Variants in TOR4A observed in about 807,000 individuals in gnomAD.
TOR4A encodes the protein torsin-4A.
Under a neutral mutation model 11.5 loss-of-function variants are expected in TOR4A, and 12 were observed. The ratio of observed to expected loss-of-function variants is 1.04; its 90% CI spans 0.67 to 1.69. The LOEUF is 1.69. TOR4A is among the 40% of genes most tolerant of loss of function. The pLI, the probability that TOR4A is intolerant of heterozygous loss-of-function variation, is 0.00. For synonymous variants in TOR4A, 362 were observed against 307.4 expected, an observed-to-expected ratio of 1.18 and a Z score of -1.86; for missense variants, 640 against 643.2, an observed-to-expected ratio of 0.99 and a Z score of 0.05.
Position 137,278,646 on chromosome 9 carries a change from G to T in TOR4A, c.-37-7G>T. The T allele has an allele frequency of 7.8e-7, 1 of 1,283,166 alleles. No individual in the cohort carries two copies. The highest frequency in any genetic ancestry group is 9.9e-7 in the Non-Finnish European group (1 of 1,014,486). 79.5% of individuals were successfully genotyped at this position (1,283,166 alleles called of 1,614,324 possible). A position where few individuals can be genotyped will look rare whatever the true frequency, so the allele number is the denominator to read the frequency against. ...GTCCAGAGACCCTCCCCGTCTTCCC[G>T]TTGCAGGGAGGGCGACCTGTATGCG... On this transcript the variant is annotated splice_region_variant and splice_polypyrimidine_tract_variant and intron_variant, in intron 1 of 1. Transcript: ENST00000357503.
chr9:137,279,151 G>A lies in TOR4A; in HGVS notation c.462G>A (p.Glu154=). Residue 154 remains glutamate (E), a synonymous_variant, in exon 2 of 2, where the codon GAG becomes GAA. Transcript: ENST00000357503. The part of the protein sequence containing the change: ...NAQRYDLDGL[E]KALQRAVFGQ... ...AGCGCTATGACCTCGACGGGCTGGA[G>A]AAAGCGCTGCAGCGCGCGGTGTTCG... 1 of 1,574,772 alleles carries A rather than the reference G, an allele frequency of 6.4e-7. No individual in the cohort carries two copies. The highest frequency in any genetic ancestry group is 8.6e-7 in the Non-Finnish European group (1 of 1,160,656).
Position 137,279,216 on chromosome 9 carries a change from G to C in TOR4A, c.527G>C (p.Arg176Pro). 1 of 1,544,608 alleles carries C rather than the reference G, an allele frequency of 6.5e-7. No homozygotes were observed. The highest frequency in any genetic ancestry group is 1.2e-5 in the South Asian group (1 of 84,274). Reference protein sequence around the residue: ...AAVSRIVALMRDYLATHVHSR... With the variant: ...AAVSRIVALMPDYLATHVHSR... Reference sequence around the variant, plus strand: ...GTATCGCGCATCGTGGCGCTGATGCGGGACTACCTGGCCACGCATGTGCAC... The same window carrying C: ...GTATCGCGCATCGTGGCGCTGATGCCGGACTACCTGGCCACGCATGTGCAC... The change falls in exon 2 of 2, where the codon CGG becomes CCG. Residue 176 changes from arginine to proline, a missense_variant. By Grantham distance (103) the Arg-to-Pro change is moderately radical. Coordinates refer to ENST00000357503, the MANE Select transcript of TOR4A (RefSeq NM_017723.3).
In TOR4A at chr9:137,279,710, C is replaced by A. The variant is rs764519206; in HGVS notation, c.1021C>A (p.Arg341Ser). The change falls in exon 2 of 2, where the codon CGC becomes AGC. Residue 341 changes from arginine (R) to serine (S), a missense_variant. Arg to Ser is a moderately radical substitution (Grantham distance 110, BLOSUM62 -1). Transcript: ENST00000357503. ...AAAAQAEEDL[R>S]ASLLAVLSRE... ...AGCGGCGCAGGCGGAAGAAGACCTGCGCGCCAGCCTGCTGGCTGTGCTGTC... is the reference window on the plus strand; with the variant it reads ...AGCGGCGCAGGCGGAAGAAGACCTGAGCGCCAGCCTGCTGGCTGTGCTGTC... 10 of 1,573,378 alleles carry A rather than the reference C, an allele frequency of 6.4e-6. No individual in the cohort carries two copies. Among genetic ancestry groups the A allele is most frequent in the Non-Finnish European group, 7.7e-6 (9 of 1,166,244 alleles).
Position 137,280,007 on chromosome 9 carries a change from G to A in TOR4A, c.*46G>A. On this transcript the variant is annotated 3_prime_UTR_variant, in exon 2 of 2. Transcript: ENST00000357503. Reference sequence around the variant, plus strand: ...TTTGGGTTGATGGCGGCAGTAGGAGGGCGACCAGGGACCTTGTGGGCTGGT... The same window carrying A: ...TTTGGGTTGATGGCGGCAGTAGGAGAGCGACCAGGGACCTTGTGGGCTGGT... 1.3e-6 allele frequency: 2 copies of A among 1,514,694 alleles called. No homozygotes were observed. Among genetic ancestry groups the A allele is most frequent in the Non-Finnish European group, 1.8e-6 (2 of 1,124,010 alleles). 93.8% of individuals were successfully genotyped at this position (1,514,694 alleles called of 1,614,324 possible).
Position 137,280,293 on chromosome 9 carries a change from G to T in TOR4A, c.*332G>T, listed in dbSNP as rs1245122357. The stretch of plus-strand genomic sequence containing the variant: ...GATCTCAGGGCCAACAATTCCCGGG[G>T]TCACACAGCTGGGACGTGACCCCGC... On this transcript the variant is annotated 3_prime_UTR_variant, in exon 2 of 2. Coordinates refer to ENST00000357503, the MANE Select transcript of TOR4A (RefSeq NM_017723.3). The T allele has an allele frequency of 5.2e-6, 2 of 387,546 alleles. No homozygotes were observed. Among genetic ancestry groups the T allele is most frequent in the South Asian group, 5.8e-5 (1 of 17,110 alleles). 24.0% of individuals were successfully genotyped at this position (387,546 alleles called of 1,614,324 possible).
rs955746386 is a variant in TOR4A, at chr9:137,281,045, G to A, written c.*1084G>A. 1.8e-5 allele frequency: 3 copies of A among 164,706 alleles called. No homozygotes were observed. The highest frequency in any genetic ancestry group is 2.9e-5 in the Non-Finnish European group (2 of 68,064). 10.2% of individuals were successfully genotyped at this position (164,706 alleles called of 1,614,324 possible). Reference sequence around the variant, plus strand: ...GCCTTGTGGCGCGCCCGGCCCAGCCGGTGGCTTCTGTGGTCGCCGGGGGCT... The same window carrying A: ...GCCTTGTGGCGCGCCCGGCCCAGCCAGTGGCTTCTGTGGTCGCCGGGGGCT... On this transcript the variant is annotated 3_prime_UTR_variant, in exon 2 of 2. Coordinates refer to ENST00000357503, the MANE Select transcript of TOR4A (RefSeq NM_017723.3).
At position 137,278,697 on chromosome 9, in the gene TOR4A, G is replaced by T; in HGVS notation, c.8G>T (p.Arg3Leu). Residue 3 changes from arginine (R) to leucine (L), a missense_variant, in exon 2 of 2, where the codon CGC (arginine) becomes CTC (leucine). By Grantham distance (102) the Arg-to-Leu change is moderately radical (BLOSUM62 -2). Transcript: ENST00000357503. ...GAGCGCCGTTCCTGCGACATGGACC[G>T]CGGCCAGCCCAGCCTGGAGCCTGCT... MD[R>L]GQPSLEPAAA... 7.4e-7 allele frequency: 1 copy of T among 1,346,286 alleles called. No homozygotes were observed. Among genetic ancestry groups the T allele is most frequent in the Non-Finnish European group, 9.5e-7 (1 of 1,053,134 alleles). 83.4% of individuals were successfully genotyped at this position (1,346,286 alleles called of 1,614,324 possible). A position where few individuals can be genotyped will look rare whatever the true frequency, so the allele number is the denominator to read the frequency against.
Position 137,281,968 on chromosome 9 carries a change from C to A in TOR4A, c.*2007C>A, listed in dbSNP as rs953489262. 6.0e-6 allele frequency: 1 copy of A among 167,288 alleles called. No individual in the cohort carries two copies. The highest frequency in any genetic ancestry group is 2.1e-4 in the South Asian group (1 of 4,838). 10.4% of individuals were successfully genotyped at this position (167,288 alleles called of 1,614,324 possible). On this transcript the variant is annotated 3_prime_UTR_variant, in exon 2 of 2. Coordinates refer to ENST00000357503, the MANE Select transcript of TOR4A (RefSeq NM_017723.3). ...TTCAAGGTGGTAACAGAGAGAGCTGCAGAGTGGGGGTGTGTTTGCCAGTCC... is the reference window on the plus strand; with the variant it reads ...TTCAAGGTGGTAACAGAGAGAGCTGAAGAGTGGGGGTGTGTTTGCCAGTCC...
chr9:137,278,630 C>T, intron 1 of TOR4A, 23 bp from the exon 2 acceptor site: 1 of 1,252,500 alleles, frequency 8.0e-7, no homozygotes, highest in Non-Finnish European at 1.0e-6. Flanking sequence ...AGTCCAGAGA[C>T]CCTCCCCGTC....
At chr9:137,278,446 T>TGCGGAGGGGCGGAGGGGCGGAGGG (rs540538531) in intron 1 of TOR4A, among the ~76,000 whole-genome samples, 6 of 147,060 alleles carry the variant, frequency 4.1e-5, no homozygotes, top group South Asian at 2.1e-4. Context: ...ATCGGGGCCC[T>TGCGGAGGGGCGGAGGGGCGGAGGG]GCGGAGGGGC....
At position 137,278,833 on chromosome 9, in the gene TOR4A, T is replaced by G. The variant is rs1302768029; in HGVS notation, c.144T>G (p.Gly48=). 1.0e-5 allele frequency: 15 copies of G among 1,494,818 alleles called. No homozygotes were observed. Among genetic ancestry groups the G allele is most frequent in the Middle Eastern group, 1.9e-4 (1 of 5,136 alleles). 92.6% of individuals were successfully genotyped at this position (1,494,818 alleles called of 1,614,324 possible). ...VLRKRRLLQP[G]GGPDVGTGAP... ...GCAAACGGCGCCTCCTGCAGCCGGG[T>G]GGGGGGCCCGACGTCGGGACCGGGG... The change falls in exon 2 of 2, where the codon GGT becomes GGG. Residue 48 remains glycine (G), a synonymous_variant. Coordinates refer to ENST00000357503, the MANE Select transcript of TOR4A (RefSeq NM_017723.3).
In TOR4A at chr9:137,279,805, C is replaced by G. The variant is rs138639039; in HGVS notation, c.1116C>G (p.Val372=). ...PFLLLDKRDV[V]SCFRDEMAGE... The stretch of plus-strand genomic sequence containing the variant: ...TGCTGCTGGACAAGCGGGATGTGGT[C>G]AGCTGCTTCCGGGACGAGATGGCGG... Residue 372 remains valine (V), a synonymous_variant, in exon 2 of 2, where the codon GTC becomes GTG. Transcript: ENST00000357503. 1 of 1,597,420 alleles carries G rather than the reference C, an allele frequency of 6.3e-7. No homozygotes were observed. Among genetic ancestry groups the G allele is most frequent in the African/African-American group, 1.3e-5 (1 of 74,852 alleles).
Position 137,278,802 on chromosome 9 carries a change from T to C in TOR4A, c.113T>C (p.Val38Ala). Reference protein sequence around the residue: ...AVLRLRRRVCVLRKRRLLQPG... With the variant: ...AVLRLRRRVCALRKRRLLQPG... ...CTCCGCCTGCGCCGCCGGGTGTGTG[T>C]CCTACGCAAACGGCGCCTCCTGCAG... The change falls in exon 2 of 2, where the codon GTC becomes GCC. Residue 38 changes from valine (V) to alanine (A), a missense_variant. Val to Ala is a moderately conservative substitution (Grantham distance 64). Transcript: ENST00000357503. 1 of 1,477,718 alleles carries C rather than the reference T, an allele frequency of 6.8e-7. No homozygotes were observed. The highest frequency in any genetic ancestry group is 8.9e-7 in the Non-Finnish European group (1 of 1,124,624). 91.5% of individuals were successfully genotyped at this position (1,477,718 alleles called of 1,614,324 possible).
rs1182534372 is a variant in TOR4A, at chr9:137,279,391, C to G, written c.702C>G (p.Arg234=). The G allele has an allele frequency of 6.6e-7, 1 of 1,524,104 alleles. No individual in the cohort carries two copies. The highest frequency in any genetic ancestry group is 1.2e-5 in the South Asian group (1 of 82,430). 94.4% of individuals were successfully genotyped at this position (1,524,104 alleles called of 1,614,324 possible). Residue 234 remains arginine, a synonymous_variant, in exon 2 of 2, where the codon CGC becomes CGG. Coordinates refer to ENST00000357503, the MANE Select transcript of TOR4A (RefSeq NM_017723.3). ...CGCGGCACCACTGCCCCGAGGCGCG[C>G]GCCGCACAGGACTGCCGCGAGGAGC... is the stretch of plus-strand genomic sequence containing the variant. ...YHARHHCPEA[R]AAQDCREELA... is the part of the protein sequence containing the mutation.
intron 1 of TOR4A, 136 bp from the exon 2 acceptor site, chr9:137,278,517 C>G (rs1281558522): frequency 2.7e-5 from 14 of 525,860 alleles, no homozygotes; most frequent in Non-Finnish European, 3.4e-5. Context: ...GCGACCAGGC[C>G]CCTGGCCCTG....
In TOR4A at chr9:137,278,838, G is replaced by A; in HGVS notation, c.149G>A (p.Gly50Glu). The A allele has an allele frequency of 2.0e-6, 3 of 1,498,840 alleles. No individual in the cohort carries two copies. The highest frequency in any genetic ancestry group is 2.5e-5 in the East Asian group (1 of 39,622). The allele number at this position is 1,498,840 out of a possible 1,614,324, so 92.8% of individuals were successfully genotyped here. The change falls in exon 2 of 2, where the codon GGG becomes GAG. Residue 50 changes from glycine to glutamate, a missense_variant. Physicochemically the swap from Gly to Glu is moderately conservative, Grantham distance 98. Transcript: ENST00000357503. ...RKRRLLQPGG[G>E]PDVGTGAPRP... ...CGGCGCCTCCTGCAGCCGGGTGGGGGGCCCGACGTCGGGACCGGGGCGCCC... is the reference window on the plus strand; with the variant it reads ...CGGCGCCTCCTGCAGCCGGGTGGGGAGCCCGACGTCGGGACCGGGGCGCCC...
chr9:137,279,509 C>T lies in TOR4A; in HGVS notation c.820C>T (p.Pro274Ser), dbSNP rs1342693335. The T allele has an allele frequency of 3.2e-6, 5 of 1,581,450 alleles. No individual in the cohort carries two copies. The highest frequency in any genetic ancestry group is 1.1e-5 in the South Asian group (1 of 87,618). Residue 274 changes from proline to serine, a missense_variant, in exon 2 of 2, where the codon CCG becomes TCG. Transcript: ENST00000357503. ...GGACGACGTGGAGCTCATGCCGCGGCCGCTGCTGGACGAGCTGCACGGCTT... is the reference window on the plus strand; with the variant it reads ...GGACGACGTGGAGCTCATGCCGCGGTCGCTGCTGGACGAGCTGCACGGCTT... The part of the protein sequence containing the change: ...VLDDVELMPR[P>S]LLDELHGFLQ...
At position 137,281,568 on chromosome 9, in the gene TOR4A, G is replaced by C. The variant is rs1001813917; in HGVS notation, c.*1607G>C. The stretch of plus-strand genomic sequence containing the variant: ...GCCGCTTGAAAGTCTGGGATCTCTG[G>C]GCGGATGGCAGCGGCTCCGCGGAGC... On this transcript the variant is annotated 3_prime_UTR_variant, in exon 2 of 2. Coordinates refer to ENST00000357503, the MANE Select transcript of TOR4A (RefSeq NM_017723.3). 72 of 159,876 alleles carry C rather than the reference G, an allele frequency of 4.5e-4. No individual in the cohort carries two copies. The highest frequency in any genetic ancestry group is 1.0e-4 in the Non-Finnish European group (7 of 68,238). The allele number at this position is 159,876 out of a possible 1,614,324, so 9.9% of individuals were successfully genotyped here.
At position 137,279,718 on chromosome 9, in the gene TOR4A, C is replaced by G. The variant is rs781567823; in HGVS notation, c.1029C>G (p.Ser343Arg). 3 of 1,574,946 alleles carry G rather than the reference C, an allele frequency of 1.9e-6. No homozygotes were observed. Among genetic ancestry groups the G allele is most frequent in the Non-Finnish European group, 2.6e-6 (3 of 1,167,132 alleles). The change falls in exon 2 of 2, where the codon AGC becomes AGG. Residue 343 changes from serine to arginine, a missense_variant. Transcript: ENST00000357503. ...AGGCGGAAGAAGACCTGCGCGCCAGCCTGCTGGCTGTGCTGTCCCGGGAGC... is the reference window on the plus strand; with the variant it reads ...AGGCGGAAGAAGACCTGCGCGCCAGGCTGCTGGCTGTGCTGTCCCGGGAGC... ...AAQAEEDLRA[S>R]LLAVLSREHP...
Sources: gnomAD v4.1 joint callset for allele counts (sites outside exome capture counted in the v4.1 genomes callset) on GRCh38, gnomAD v4.1.1 for gene constraint, MANE v1.5 for transcripts, NCBI Gene and HGNC (gene_info 2026-07-23, HGNC 2026-07-21) for gene names.